The following CLUAP1 variants were observed in gnomAD, a reference collection of about 807,000 sequenced individuals.
The protein encoded by CLUAP1 is intraflagellar transport 38, also known as clusterin-associated protein 1.
In CLUAP1, 50 loss-of-function variants were observed where a neutral mutation model predicts 55.0. That is an observed-to-expected ratio of 0.91 (90% CI 0.72 to 1.15). The LOEUF (loss-of-function observed/expected upper bound fraction) is 1.15. Among genes scored for constraint, CLUAP1 ranks in the 50% most tolerant of loss-of-function variants. The pLI is 0.00. For missense variants in CLUAP1, 530 were observed against 507.6 expected (o/e 1.04, Z -0.42); for synonymous variants, 195 against 175.4 (o/e 1.11, Z -0.88).
At chr16:3,502,690 TG>T (rs1319926383) in intron 1 of CLUAP1, among the ~76,000 whole-genome samples, 2 of 152,174 alleles carry the variant, frequency 1.3e-5, no homozygotes, top group Non-Finnish European at 2.9e-5. Context: ...TGAAGGTTTT[TG>T]GTGGCCACAC....
intron 10 of CLUAP1, among the ~76,000 whole-genome samples, chr16:3,531,476 C>T (rs1051434284): frequency 6.6e-6 from 1 of 151,626 alleles, no homozygotes; most frequent in South Asian, 2.1e-4. Flanking sequence ...GAGCCGAGAT[C>T]ACGCCACTGC....
chr16:3,530,781 C>T (rs540637832), intron 10 of CLUAP1, 106 bp downstream of exon 10: 6 of 758,232 alleles, frequency 7.9e-6, no homozygotes, highest in Admixed American at 5.1e-5. Flanking sequence ...AAGCGTGCTG[C>T]GAATGGCCCC....
chr16:3,520,430 G>A (rs2037812220), intron 7 of CLUAP1, among the ~76,000 whole-genome samples: 1 of 152,012 alleles, frequency 6.6e-6, no homozygotes, highest in Non-Finnish European at 1.5e-5. Flanking sequence ...TAAGAGAATA[G>A]AATGTGATCT....
At chr16:3,510,365 C>A (rs1005986853) in intron 4 of CLUAP1, among the ~76,000 whole-genome samples, 3 of 151,948 alleles carry the variant, frequency 2.0e-5, no homozygotes, top group South Asian at 2.1e-4. Flanking sequence ...AAACTCCTGA[C>A]CTCAGGTGAT....
chr16:3,516,818 C>T (rs1442687463), intron 6 of CLUAP1, among the ~76,000 whole-genome samples: 3 of 152,250 alleles, frequency 2.0e-5, no homozygotes, highest in South Asian at 4.1e-4. Flanking sequence ...AACCAGGACT[C>T]TTAGGGGAAA....
At chr16:3,535,527 TGAG>T (rs1295267186) in intron 11 of CLUAP1, 3 of 153,100 alleles carry the variant, frequency 2.0e-5, no homozygotes, top group Non-Finnish European at 4.4e-5. Context: ...CTGGATCCGA[TGAG>T]GAGAGAGAGG....
intron 6 of CLUAP1, 50 bp from the exon 7 acceptor site, chr16:3,519,853 G>A (rs2037799234): frequency 6.5e-7 from 1 of 1,537,862 alleles, no homozygotes. Flanking sequence ...TAAGAATTAG[G>A]ATGGCTGTTT....
intron 1 of CLUAP1, among the ~76,000 whole-genome samples, chr16:3,503,122 C>T (rs569565861): frequency 1.3e-5 from 2 of 151,894 alleles, no homozygotes; most frequent in South Asian, 4.2e-4. Flanking sequence ...TTATAGGCGC[C>T]CGCCACCACA....
chr16:3,524,596 C>CAAAAAAAAAAAA (rs755040158), intron 8 of CLUAP1, among the ~76,000 whole-genome samples: 1 of 34,292 alleles, frequency 2.9e-5, no homozygotes, highest in African/African-American at 8.3e-5. Flanking sequence ...GACACCATCT[C>CAAAAAAAAAAAA]AAAAAAAAAA....
Position 3,526,501 on chromosome 16 carries a change from T to C in CLUAP1, c.928+17T>C, listed in dbSNP as rs967167415. On this transcript the variant is annotated intron_variant, in intron 9 of 11. Coordinates refer to ENST00000576634, the MANE Select transcript of CLUAP1 (RefSeq NM_015041.3). ...AGAGTGGAAGTAAGGCTGGGCTTCG[T>C]AGACGAGCAGTTTACTCTGGACTAG... 5.7e-6 allele frequency: 9 copies of C among 1,588,930 alleles called. No homozygotes were observed. The highest frequency in any genetic ancestry group is 7.7e-6 in the Non-Finnish European group (9 of 1,167,566).
intron 6 of CLUAP1, 26 bp from the exon 7 acceptor site, chr16:3,519,877 G>C (rs755545154): frequency 1.3e-6 from 2 of 1,561,240 alleles, no homozygotes; most frequent in African/African-American, 2.8e-5. Flanking sequence ...TTGCCACCTT[G>C]TCTCATTATT....
intron 3 of CLUAP1, among the ~76,000 whole-genome samples, chr16:3,507,739 TC>T: frequency 6.6e-6 from 1 of 151,744 alleles, no homozygotes; most frequent in African/African-American, 2.4e-5. Flanking sequence ...TATATATTTT[TC>T]CTTTGTTTTA....
At chr16:3,523,105 C>T in intron 7 of CLUAP1, 53 bp from the exon 8 acceptor site, 1 of 1,471,728 alleles carries the variant, frequency 6.8e-7, no homozygotes, top group Non-Finnish European at 9.1e-7. Context: ...ATACCCATTT[C>T]AAACTACTGC....
At chr16:3,519,853 G>C in intron 6 of CLUAP1, 50 bp from the exon 7 acceptor site, 1 of 1,537,980 alleles carries the variant, frequency 6.5e-7, no homozygotes, top group Non-Finnish European at 8.7e-7. Context: ...TAAGAATTAG[G>C]ATGGCTGTTT....
At position 3,523,823 on chromosome 16, in the gene CLUAP1, G is replaced by A. The variant is rs889666626; in HGVS notation, c.855+524G>A. On this transcript the variant is annotated intron_variant, in intron 8 of 11. Coordinates refer to ENST00000576634, the MANE Select transcript of CLUAP1 (RefSeq NM_015041.3). ...CTCATAAAAATACAAAAAATTAGCCGGGTGTGGTCGTACACACCTGTAGTC... is the reference window on the plus strand; with the variant it reads ...CTCATAAAAATACAAAAAATTAGCCAGGTGTGGTCGTACACACCTGTAGTC... Among the ~76,000 whole-genome samples, 7 of 151,962 alleles carry A rather than the reference G, an allele frequency of 4.6e-5. No homozygotes were observed. The South Asian group carries it at 8.3e-4, about 18-fold the overall frequency.
At chr16:3,511,070 C>T (rs1268938553) in intron 4 of CLUAP1, among the ~76,000 whole-genome samples, 1 of 152,194 alleles carries the variant, frequency 6.6e-6, no homozygotes, top group Non-Finnish European at 1.5e-5. Flanking sequence ...GTGACAGACT[C>T]CTGCAAAGAA....
intron 1 of CLUAP1, 27 bp downstream of exon 1, chr16:3,501,116 C>T (rs752625438): frequency 1.6e-5 from 26 of 1,578,424 alleles, no homozygotes; most frequent in Non-Finnish European, 2.1e-5. Context: ...CCCCTGTGAC[C>T]TGCGGGTCTT....
chr16:3,505,546 CAAA>C lies in CLUAP1; in HGVS notation c.134+737_134+739del, dbSNP rs1230388490. Among the ~76,000 whole-genome samples the C allele has an allele frequency of 3.2e-3, 189 of 59,630 alleles. 2 individuals are homozygous for C. Among genetic ancestry groups the C allele is most frequent in the African/African-American group, 8.8e-3 (167 of 18,950 alleles). 39.1% of individuals were successfully genotyped at this position (59,630 alleles called of 152,430 possible). On this transcript the variant is annotated intron_variant, in intron 2 of 11. Transcript: ENST00000576634. ...TGGGTGAAAGAGCGAGACTCCGTCT[CAAA>C]AAAAAAAAAAAAAAAAAAAAATCAG...
At chr16:3,518,127 C>T (rs976226619) in intron 6 of CLUAP1, among the ~76,000 whole-genome samples, 2 of 152,136 alleles carry the variant, frequency 1.3e-5, no homozygotes, top group African/African-American at 2.4e-5. Flanking sequence ...AACGTCTGGT[C>T]AGCAACTTAC....
Sources: gnomAD v4.1 joint callset for allele counts (sites outside exome capture counted in the v4.1 genomes callset) on GRCh38, gnomAD v4.1.1 for gene constraint, MANE v1.5 for transcripts, NCBI Gene and HGNC (gene_info 2026-07-23, HGNC 2026-07-21) for gene names.